PSMA2: variants seen among roughly 807,000 people sequenced by gnomAD.
PSMA2 encodes the protein proteasome subunit alpha type-2.
Under a neutral mutation model 35.9 loss-of-function variants are expected in PSMA2, and 2 were observed. The ratio of observed to expected loss-of-function variants is 0.06; its 90% CI spans 0.02 to 0.18. The LOEUF (loss-of-function observed/expected upper bound fraction) is 0.18. Ranked by LOEUF, PSMA2 falls within the 10% of genes least tolerant of loss-of-function variation. PSMA2 has a pLI of 1.00. For synonymous variants in PSMA2, 97 were observed against 98.2 expected, an observed-to-expected ratio of 0.99 and a Z score of 0.07; for missense variants, 126 against 278.8, an observed-to-expected ratio of 0.45 and a Z score of 3.90.
At chr7:42,927,109 A>G (rs1360989902) in intron 2 of PSMA2, among the ~76,000 whole-genome samples, 1 of 92,450 alleles carries the variant, frequency 1.1e-5, no homozygotes, top group African/African-American at 3.9e-5. Flanking sequence ...TAGTGATATA[A>G]TCAGTGGAAA....
chr7:42,930,255 GGTTT>G (rs1786281095), intron 1 of PSMA2, among the ~76,000 whole-genome samples: 1 of 150,536 alleles, frequency 6.6e-6, no homozygotes, highest in South Asian at 2.1e-4. Flanking sequence ...ACACAAGTTT[GGTTT>G]TTTTAAAAAA....
intron 6 of PSMA2, chr7:42,919,650 T>A (rs911807958): frequency 1.8e-6 from 1 of 570,900 alleles, no homozygotes; most frequent in Non-Finnish European, 3.4e-6. Context: ...TAATAACTTA[T>A]GGCTGATCCA....
intron 6 of PSMA2, chr7:42,919,841 T>G (rs896057927): frequency 4.0e-6 from 3 of 742,844 alleles, no homozygotes; most frequent in Non-Finnish European, 7.6e-6. Flanking sequence ...GACACTCTGG[T>G]CCTATTCACT....
chr7:42,921,147 G>C (rs1487631357), intron 6 of PSMA2: 1 of 152,162 alleles, frequency 6.6e-6, no homozygotes, highest in African/African-American at 2.4e-5. Flanking sequence ...TAGAAGATCT[G>C]CTATGTTCCC....
chr7:42,926,020 G>A (rs1037007470), intron 3 of PSMA2, among the ~76,000 whole-genome samples: 1 of 152,200 alleles, frequency 6.6e-6, no homozygotes, highest in Admixed American at 6.5e-5. Context: ...GAAATATAAA[G>A]GGGGTGATTA....
At chr7:42,926,751 G>T in intron 2 of PSMA2, 83 bp from the exon 3 acceptor site, 1 of 1,362,508 alleles carries the variant, frequency 7.3e-7, no homozygotes, top group East Asian at 2.6e-5. Flanking sequence ...TGCGCTAAAC[G>T]CAAACTCCTT....
At chr7:42,930,733 G>A (rs1252461599) in intron 1 of PSMA2, among the ~76,000 whole-genome samples, 3 of 151,660 alleles carry the variant, frequency 2.0e-5, no homozygotes. Flanking sequence ...AGGCAGGGTG[G>A]TGCACACCTC....
At chr7:42,922,647 C>T (rs1786143245) in intron 5 of PSMA2, among the ~76,000 whole-genome samples, 1 of 152,152 alleles carries the variant, frequency 6.6e-6, no homozygotes, top group South Asian at 2.1e-4. Context: ...ATTTAATTAA[C>T]AACCAAAATA....
chr7:42,927,289 T>A, intron 2 of PSMA2, 94 bp downstream of exon 2: 1 of 1,095,104 alleles, frequency 9.1e-7, no homozygotes, highest in South Asian at 1.5e-5. Flanking sequence ...AAAATTATAC[T>A]GCTGCAGCTC....
intron 6 of PSMA2, chr7:42,919,032 C>T (rs911534660): frequency 3.8e-6 from 1 of 262,776 alleles, no homozygotes. Context: ...CCATGTTGGC[C>T]CAGCTGGTCT....
In PSMA2 at chr7:42,921,446, T is replaced by C. The variant is rs529832860; in HGVS notation, c.530+412A>G. 258 of 153,326 alleles carry C rather than the reference T, an allele frequency of 1.7e-3. 2 individuals carry two copies. The highest frequency in any genetic ancestry group is 5.5e-3 in the African/African-American group (228 of 41,612). The allele number at this position is 153,326 out of a possible 1,614,324, so 9.5% of individuals were successfully genotyped here. ...AAGCACATGTATCAAATATTTAATA[T>C]ACCTTCAACTCCAGGCATTTGGTTT... On this transcript the variant is annotated intron_variant, in intron 6 of 7. Transcript: ENST00000223321.
chr7:42,931,146 C>T (rs1185437739), intron 1 of PSMA2: 1 of 454,480 alleles, frequency 2.2e-6, no homozygotes, highest in African/African-American at 2.0e-5. Context: ...GTTAGTTCAT[C>T]TGTAAGAAGC....
At chr7:42,919,084 A>C (rs776721962) in intron 6 of PSMA2, 3 of 332,786 alleles carry the variant, frequency 9.0e-6, no homozygotes, top group African/African-American at 2.1e-5. Flanking sequence ...TTGGCCTCCC[A>C]AAGTGCTGGG....
At chr7:42,919,337 TCATAAACA>T in intron 6 of PSMA2, 2 of 580,614 alleles carry the variant, frequency 3.4e-6, no homozygotes, top group South Asian at 2.8e-5. Context: ...TGACCCTGGC[TCATAAACA>T]CATTATCAAG....
chr7:42,929,156 A>C (rs1405523741), intron 1 of PSMA2, among the ~76,000 whole-genome samples: 2 of 152,196 alleles, frequency 1.3e-5, no homozygotes, highest in African/African-American at 4.8e-5. Context: ...CCAGGAATCC[A>C]CAATCATTTG....
intron 3 of PSMA2, among the ~76,000 whole-genome samples, chr7:42,926,029 T>TA (rs1310548347): frequency 6.6e-6 from 1 of 152,232 alleles, no homozygotes; most frequent in Non-Finnish European, 1.5e-5. Flanking sequence ...AGGGGGTGAT[T>TA]ACACAAGCAT....
rs755740459 is a variant in PSMA2 at position 42,924,669 on chromosome 7, A to G, written c.374+6T>C. 1.9e-6 allele frequency: 3 copies of G among 1,607,502 alleles called. No homozygotes were observed. Among genetic ancestry groups the G allele is most frequent in the South Asian group, 2.2e-5 (2 of 90,066 alleles). On this transcript the variant is annotated splice_donor_region_variant and intron_variant, in intron 4 of 7. Transcript: ENST00000223321. Reference sequence around the variant, plus strand: ...TGGCACATTTCAAGTAAAAAAAGCAACTTACCCTGACTGAGTATATTCTTG... The same window carrying G: ...TGGCACATTTCAAGTAAAAAAAGCAGCTTACCCTGACTGAGTATATTCTTG...
At chr7:42,920,782 T>A (rs1235893069) in intron 6 of PSMA2, 1 of 152,236 alleles carries the variant, frequency 6.6e-6, no homozygotes, top group Admixed American at 6.5e-5. Flanking sequence ...AAGGCTCATC[T>A]GTTAAACGGA....
intron 3 of PSMA2, among the ~76,000 whole-genome samples, chr7:42,925,572 C>A (rs1409775091): frequency 6.6e-6 from 1 of 152,178 alleles, no homozygotes; most frequent in East Asian, 1.9e-4. Context: ...CAATACCCAG[C>A]ATGACCCTGT....
Sources: gnomAD v4.1 joint callset for allele counts (sites outside exome capture counted in the v4.1 genomes callset) on GRCh38, gnomAD v4.1.1 for gene constraint, MANE v1.5 for transcripts, NCBI Gene and HGNC (gene_info 2026-07-23, HGNC 2026-07-21) for gene names.